HSDL2: variants seen among roughly 807,000 people sequenced by gnomAD.
HSDL2 encodes hydroxysteroid dehydrogenase like 2.
HSDL2 carries 27 observed loss-of-function variants against 46.3 expected under a neutral mutation model. That is an observed-to-expected ratio of 0.58 (90% CI 0.43 to 0.80). HSDL2 has a LOEUF of 0.80. HSDL2 is among the 30% of genes least tolerant of loss of function. The pLI is 0.00. For missense variants in HSDL2, 451 were observed against 502.7 expected (o/e 0.90, Z 0.98); for synonymous variants, 153 against 163.6 (o/e 0.94, Z 0.50).
intron 10 of HSDL2, among the ~76,000 whole-genome samples, chr9:112,460,534 C>T (rs1564134176): frequency 6.6e-6 from 1 of 152,128 alleles, no homozygotes; most frequent in Non-Finnish European, 1.5e-5. Context: ...GGATCACTTG[C>T]GCCCAGGAGT....
intron 6 of HSDL2, among the ~76,000 whole-genome samples, chr9:112,425,597 G>T (rs7868097): frequency 0.036 from 4,182 of 117,022 alleles, 196 homozygotes; most frequent in African/African-American, 0.12. Flanking sequence ...CTTTTCTTCT[G>T]TGAGAGCCTT....
At chr9:112,390,899 G>C (rs1831327058) in intron 1 of HSDL2, among the ~76,000 whole-genome samples, 1 of 152,154 alleles carries the variant, frequency 6.6e-6, no homozygotes, top group African/African-American at 2.4e-5. Context: ...TTCTAGGCTG[G>C]ACGCAGTGAC....
At chr9:112,408,662 T>C (rs1831789596) in intron 3 of HSDL2, among the ~76,000 whole-genome samples, 1 of 152,188 alleles carries the variant, frequency 6.6e-6, no homozygotes, top group Non-Finnish European at 1.5e-5. Context: ...CTGACTACTG[T>C]AGGCGTTTGT....
chr9:112,426,028 A>C (rs571845178), intron 6 of HSDL2, among the ~76,000 whole-genome samples: 1 of 152,284 alleles, frequency 6.6e-6, no homozygotes, highest in African/African-American at 2.4e-5. Flanking sequence ...GGCGTGAGCT[A>C]CTGTGCCCTG....
intron 8 of HSDL2, among the ~76,000 whole-genome samples, chr9:112,451,465 T>C (rs1387242633): frequency 1.3e-5 from 2 of 152,206 alleles, no homozygotes; most frequent in Non-Finnish European, 2.9e-5. Context: ...AGAATAAATA[T>C]GTATGTGTGT....
At chr9:112,456,997 A>G (rs555621313) in intron 9 of HSDL2, among the ~76,000 whole-genome samples, 47 of 152,186 alleles carry the variant, frequency 3.1e-4, no homozygotes, top group African/African-American at 1.0e-3. Context: ...AAAATATAAA[A>G]ATTAGCCGGG....
Position 112,404,074 on chromosome 9 carries a change from G to T in HSDL2, c.97G>T (p.Asp33Tyr). ...AGCTATTGCATTGAAAGCAGCAAAG[G>T]ATGGAGCAAATATTGTTATTGCTGC... The part of the protein sequence containing the change: ...GKAIALKAAK[D>Y]GANIVIAAKT... Residue 33 changes from aspartate to tyrosine, a missense_variant, in exon 2 of 11, where the codon GAT becomes TAT. Physicochemically the swap from Asp to Tyr is radical, Grantham distance 160. Transcript: ENST00000398805. 1 of 1,614,172 alleles carries T rather than the reference G, an allele frequency of 6.2e-7. No individual in the cohort carries two copies. Among genetic ancestry groups the T allele is most frequent in the Non-Finnish European group, 8.5e-7 (1 of 1,180,020 alleles).
intron 10 of HSDL2, among the ~76,000 whole-genome samples, chr9:112,466,636 G>C (rs1056689810): frequency 1.3e-5 from 2 of 151,336 alleles, no homozygotes; most frequent in African/African-American, 4.8e-5. Context: ...ATTTTTTGTA[G>C]GTTGTTTTTT....
intron 1 of HSDL2, among the ~76,000 whole-genome samples, chr9:112,393,097 T>C (rs775239627): frequency 2.0e-5 from 3 of 152,152 alleles, no homozygotes; most frequent in Non-Finnish European, 4.4e-5. Context: ...AAAAAGTCGA[T>C]TAAACAGAGA....
chr9:112,403,002 G>A (rs1435122556), intron 1 of HSDL2, among the ~76,000 whole-genome samples: 3 of 151,932 alleles, frequency 2.0e-5, no homozygotes, highest in African/African-American at 7.3e-5. Context: ...AATGAAATGG[G>A]CACAGGGACC....
intron 6 of HSDL2, among the ~76,000 whole-genome samples, chr9:112,436,055 G>T (rs907706933): frequency 2.0e-5 from 3 of 151,714 alleles, no homozygotes; most frequent in East Asian, 3.9e-4. Flanking sequence ...CAGGAGGACG[G>T]CTTGAGCCCA....
intron 10 of HSDL2, among the ~76,000 whole-genome samples, chr9:112,461,679 T>C (rs1833214245): frequency 6.6e-6 from 1 of 152,246 alleles, no homozygotes; most frequent in Non-Finnish European, 1.5e-5. Flanking sequence ...TAGCAGTAAG[T>C]ACTGAGGCTT....
chr9:112,405,776 C>A (rs1439777642), intron 3 of HSDL2, 54 bp downstream of exon 3: 4 of 1,085,820 alleles, frequency 3.7e-6, no homozygotes, highest in Non-Finnish European at 5.5e-6. Context: ...AAAGGTATAA[C>A]TATAATGTTA....
chr9:112,430,864 C>G (rs1429090534), intron 6 of HSDL2, among the ~76,000 whole-genome samples: 1 of 151,726 alleles, frequency 6.6e-6, no homozygotes, highest in East Asian at 1.9e-4. Flanking sequence ...ACCAGCCTGG[C>G]CAACATGGTG....
chr9:112,443,361 C>G (rs1423511369), intron 8 of HSDL2, among the ~76,000 whole-genome samples: 3 of 152,150 alleles, frequency 2.0e-5, no homozygotes, highest in African/African-American at 7.2e-5. Context: ...CATTAATCCC[C>G]AAGACAGATA....
chr9:112,389,253 G>T (rs1284818988), intron 1 of HSDL2, among the ~76,000 whole-genome samples: 1 of 151,980 alleles, frequency 6.6e-6, no homozygotes, highest in East Asian at 1.9e-4. Flanking sequence ...TCGACTTCTG[G>T]GCTCAAGTGA....
At chr9:112,431,000 C>T (rs920038865) in intron 6 of HSDL2, among the ~76,000 whole-genome samples, 16 of 144,742 alleles carry the variant, frequency 1.1e-4, no homozygotes, top group African/African-American at 1.3e-4. Context: ...TACAGTGAGC[C>T]GAGATCACGC....
intron 6 of HSDL2, among the ~76,000 whole-genome samples, chr9:112,423,045 C>G (rs932778651): frequency 6.6e-6 from 1 of 152,146 alleles, no homozygotes; most frequent in East Asian, 1.9e-4. Flanking sequence ...GTAGAAAGGG[C>G]TGTTAACCAA....
chr9:112,421,332 C>G lies in HSDL2; in HGVS notation c.598+2374C>G, dbSNP rs142102108. Among the ~76,000 whole-genome samples the G allele has an allele frequency of 8.4e-4, 128 of 151,788 alleles. 1 individual carries two copies. Among genetic ancestry groups the G allele is most frequent in the South Asian group, 4.6e-3 (22 of 4,812 alleles). On this transcript the variant is annotated intron_variant, in intron 6 of 10. Transcript: ENST00000398805. ...GACAGGACAGAGTGAGATCCTGTCT[C>G]AAAAAAACAAACAAACAAAAATTGA...
Sources: allele counts gnomAD v4.1 joint callset (sites outside exome capture counted in the v4.1 genomes callset), GRCh38; gene constraint gnomAD v4.1.1; transcripts MANE v1.5; gene names NCBI Gene and HGNC (gene_info 2026-07-23, HGNC 2026-07-21).